The following PRKX variants were observed in gnomAD, a reference collection of about 807,000 sequenced individuals.
PRKX encodes the protein cAMP-dependent protein kinase catalytic subunit PRKX.
A neutral mutation model predicts 22.0 loss-of-function variants in PRKX; 12 were observed. That is an observed-to-expected ratio of 0.54 (90% confidence interval 0.35 to 0.88). PRKX has a LOEUF of 0.88. PRKX is among the 40% of genes least tolerant of loss of function. The pLI is 0.01. For synonymous variants in PRKX, 134 were observed against 137.7 expected (o/e 0.97, Z 0.19); for missense variants, 217 against 308.0 (o/e 0.70, Z 2.21).
intron 1 of PRKX, among the ~76,000 whole-genome samples, chrX:3,707,837 T>G (rs1027884159): frequency 9.0e-6 from 1 of 111,072 alleles, no homozygotes; most frequent in South Asian, 3.8e-4. Flanking sequence ...AGCACCCACA[T>G]AAGGTAAATA....
intron 2 of PRKX, among the ~76,000 whole-genome samples, chrX:3,672,072 G>A (rs949705550): frequency 2.7e-5 from 3 of 111,414 alleles, no homozygotes; most frequent in African/African-American, 6.5e-5. Context: ...ATGGGTGCCT[G>A]TAGTCCCGGC....
chrX:3,657,210 T>C (rs1219867470), intron 2 of PRKX, among the ~76,000 whole-genome samples: 2 of 112,043 alleles, frequency 1.8e-5, no homozygotes, highest in Non-Finnish European at 3.8e-5. Flanking sequence ...GGTCTCATAA[T>C]AAACCAGCCA....
intron 3 of PRKX, 90 bp from the exon 4 acceptor site, chrX:3,642,061 T>C: frequency 1.2e-6 from 1 of 861,106 alleles, no homozygotes; most frequent in Non-Finnish European, 1.7e-6. Context: ...TACAATAACT[T>C]CGTTGAGTAA....
chrX:3,704,408 T>C (rs758332019), intron 1 of PRKX, among the ~76,000 whole-genome samples: 2 of 112,030 alleles, frequency 1.8e-5, no homozygotes, highest in African/African-American at 6.5e-5. Flanking sequence ...CTCACGCCTG[T>C]AATCCCAGCA....
At chrX:3,640,609 T>C (rs1927058565) in intron 4 of PRKX, among the ~76,000 whole-genome samples, 1 of 111,794 alleles carries the variant, frequency 8.9e-6, no homozygotes, top group South Asian at 3.7e-4. Context: ...GCACCTCTCC[T>C]GACTTCCAAA....
chrX:3,710,848 G>A (rs1928775192), intron 1 of PRKX, among the ~76,000 whole-genome samples: 1 of 111,244 alleles, frequency 9.0e-6, no homozygotes, highest in African/African-American at 3.3e-5. Flanking sequence ...TTCCTGTAGT[G>A]ACAGTTTAGG....
intron 2 of PRKX, among the ~76,000 whole-genome samples, chrX:3,672,634 C>T (rs1417863165): frequency 1.1e-4 from 12 of 110,954 alleles, no homozygotes; most frequent in Non-Finnish European, 2.1e-4. Flanking sequence ...CTCCAGGAGG[C>T]GCAGGGGGTG....
intron 5 of PRKX, among the ~76,000 whole-genome samples, chrX:3,623,427 A>G (rs1603473235): frequency 9.1e-6 from 1 of 110,329 alleles, no homozygotes; most frequent in Non-Finnish European, 1.9e-5. Flanking sequence ...ATGGTGGTGC[A>G]TGCCTGTAGC....
rs537932542 is a variant in PRKX at position 3,640,121 on chromosome X, T to C, written c.719+1731A>G. On this transcript the variant is annotated intron_variant, in intron 4 of 8. Transcript: ENST00000262848. The stretch of plus-strand genomic sequence containing the variant: ...AGGGAGGATCTGGCTTTTGCGACAA[T>C]GGAGGCCACTCAGAGGATACGCTGG... 3.7e-5 allele frequency among the ~76,000 whole-genome samples: 4 copies of C among 109,437 alleles called. No homozygotes were observed. In the South Asian group the frequency reaches 1.2e-3, roughly 33 times the overall value.
chrX:3,659,724 T>TTG (rs1927553450), intron 2 of PRKX, among the ~76,000 whole-genome samples: 1 of 26,983 alleles, frequency 3.7e-5, no homozygotes, highest in African/African-American at 2.6e-4. Context: ...TTTGTTTTTT[T>TTG]TTTTGTTTTT....
intron 1 of PRKX, among the ~76,000 whole-genome samples, chrX:3,684,669 G>A (rs1928140046): frequency 9.0e-6 from 1 of 111,396 alleles, no homozygotes; most frequent in Admixed American, 9.6e-5. Flanking sequence ...CAGTCCTGGA[G>A]GCTGGAAGTC....
At chrX:3,614,423 A>G (rs1416267698) in intron 7 of PRKX, among the ~76,000 whole-genome samples, 1 of 112,241 alleles carries the variant, frequency 8.9e-6, no homozygotes, top group Non-Finnish European at 1.9e-5. Context: ...CAGGAGGTGG[A>G]GGCTGCAGTG....
intron 3 of PRKX, among the ~76,000 whole-genome samples, chrX:3,654,581 C>A (rs1277032899): frequency 9.7e-6 from 1 of 102,632 alleles, no homozygotes; most frequent in Non-Finnish European, 2.0e-5. Flanking sequence ...CTCAAATAAT[C>A]CTCCAACCTC....
At chrX:3,648,631 T>TGTGTGTGTGCGCGC (rs1381596520) in intron 3 of PRKX, among the ~76,000 whole-genome samples, 12 of 104,841 alleles carry the variant, frequency 1.1e-4, no homozygotes, top group African/African-American at 4.2e-4. Flanking sequence ...TGTGTGTGTG[T>TGTGTGTGTGCGCGC]GTGTGTGTGT....
chrX:3,677,327 C>CTT (rs532175668), intron 1 of PRKX, among the ~76,000 whole-genome samples: 28 of 90,637 alleles, frequency 3.1e-4, no homozygotes, highest in Non-Finnish European at 5.0e-4. Flanking sequence ...ATTGTTTTGT[C>CTT]TTTTTTTTTT....
chrX:3,650,943 A>G (rs1927318212), intron 3 of PRKX, among the ~76,000 whole-genome samples: 1 of 108,440 alleles, frequency 9.2e-6, no homozygotes, highest in Non-Finnish European at 1.9e-5. Context: ...AGTTCCATCT[A>G]TTCTGTAGTG....
At chrX:3,706,823 T>C (rs900649658) in intron 1 of PRKX, among the ~76,000 whole-genome samples, 11 of 111,991 alleles carry the variant, frequency 9.8e-5, no homozygotes, top group African/African-American at 3.6e-4. Flanking sequence ...TCAGACCCTC[T>C]TTCCCATTAA....
chrX:3,672,154 C>T (rs1284085787), intron 2 of PRKX, among the ~76,000 whole-genome samples: 1 of 110,179 alleles, frequency 9.1e-6, no homozygotes, highest in Non-Finnish European at 1.9e-5. Context: ...GTGATTGCAC[C>T]ATTGCACTCC....
intron 1 of PRKX, among the ~76,000 whole-genome samples, chrX:3,704,686 C>T (rs1432038872): frequency 1.8e-5 from 2 of 111,145 alleles, no homozygotes; most frequent in Non-Finnish European, 3.8e-5. Flanking sequence ...GAGATAATGC[C>T]GTATTTGTCT....
Sources: allele counts gnomAD v4.1 joint callset (sites outside exome capture counted in the v4.1 genomes callset), GRCh38; gene constraint gnomAD v4.1.1; transcripts MANE v1.5; gene names NCBI Gene and HGNC (gene_info 2026-07-23, HGNC 2026-07-21).